Variants in PACRG observed in about 807,000 individuals in gnomAD.
The protein encoded by PACRG is parkin coregulated.
In PACRG, 29 loss-of-function variants were observed where a neutral mutation model predicts 29.7. That is an observed-to-expected ratio of 0.98 (90% CI 0.73 to 1.33). The LOEUF (loss-of-function observed/expected upper bound fraction) is 1.33. Among genes scored for constraint, PACRG ranks in the 40% most tolerant of loss-of-function variants. The probability of loss-of-function intolerance (pLI) is 0.00; values close to 1 mark genes in which losing one functional copy is unlikely to be tolerated. For synonymous variants in PACRG, 116 were observed against 118.7 expected (o/e 0.98, Z 0.15); for missense variants, 279 against 316.2 (o/e 0.88, Z 0.89).
chr6:162,856,547 A>G (rs960270483), intron 2 of PACRG, among the ~76,000 whole-genome samples: 1 of 152,060 alleles, frequency 6.6e-6, no homozygotes, highest in Non-Finnish European at 1.5e-5. Flanking sequence ...TTCTGGTAGC[A>G]AATAATCTAA....
At chr6:163,101,462 C>A (rs1387327916) in intron 4 of PACRG, 14 of 909,030 alleles carry the variant, frequency 1.5e-5, no homozygotes, top group Non-Finnish European at 1.6e-5. Context: ...AAACAATCAC[C>A]TAACCAAATG....
chr6:163,283,643 A>G (rs1214608908), intron 4 of PACRG, among the ~76,000 whole-genome samples: 1 of 151,228 alleles, frequency 6.6e-6, no homozygotes, highest in African/African-American at 2.4e-5. Context: ...TACTAAAAAT[A>G]CAAAAAAATT....
At chr6:162,877,167 A>C (rs965270924) in intron 2 of PACRG, among the ~76,000 whole-genome samples, 1 of 152,202 alleles carries the variant, frequency 6.6e-6, no homozygotes, top group Non-Finnish European at 1.5e-5. Flanking sequence ...TTACAATAGC[A>C]AAGACTTGGA....
chr6:163,129,462 C>G (rs1816647432), intron 4 of PACRG, among the ~76,000 whole-genome samples: 1 of 152,220 alleles, frequency 6.6e-6, no homozygotes, highest in African/African-American at 2.4e-5. Flanking sequence ...AGGGCACAAA[C>G]ACCCCAGTCT....
chr6:163,177,039 A>G (rs1779394677), intron 4 of PACRG, among the ~76,000 whole-genome samples: 1 of 152,166 alleles, frequency 6.6e-6, no homozygotes, highest in Non-Finnish European at 1.5e-5. Flanking sequence ...GCCAGCCTGG[A>G]GACTGTTGCT....
At chr6:163,076,258 C>A (rs779675360) in intron 3 of PACRG, among the ~76,000 whole-genome samples, 1 of 152,278 alleles carries the variant, frequency 6.6e-6, no homozygotes, top group Admixed American at 6.5e-5. Context: ...AGCTTTTGCT[C>A]GCCATCTGGG....
chr6:163,276,664 G>T (rs893337911), intron 4 of PACRG, among the ~76,000 whole-genome samples: 2 of 152,196 alleles, frequency 1.3e-5, no homozygotes, highest in Admixed American at 1.3e-4. Context: ...CCTTTGGGGG[G>T]TGATTAGATC....
chr6:162,790,044 A>G (rs1307977655), intron 1 of PACRG, among the ~76,000 whole-genome samples: 2 of 152,176 alleles, frequency 1.3e-5, no homozygotes, highest in Non-Finnish European at 2.9e-5. Flanking sequence ...TTTGTGTTGT[A>G]TCTGTGGGGA....
At chr6:163,244,783 A>C (rs1204189194) in intron 4 of PACRG, among the ~76,000 whole-genome samples, 1 of 152,230 alleles carries the variant, frequency 6.6e-6, no homozygotes, top group Admixed American at 6.5e-5. Flanking sequence ...GCAGTACTAA[A>C]ATGAAAGTGT....
At chr6:163,003,268 A>T (rs1183607660) in intron 2 of PACRG, among the ~76,000 whole-genome samples, 1 of 152,234 alleles carries the variant, frequency 6.6e-6, no homozygotes, top group Non-Finnish European at 1.5e-5. Context: ...TGGAAATGGG[A>T]TAATCATCTC....
chr6:163,067,650 A>G (rs1456117119), intron 3 of PACRG, among the ~76,000 whole-genome samples: 1 of 152,228 alleles, frequency 6.6e-6, no homozygotes, highest in Non-Finnish European at 1.5e-5. Flanking sequence ...GTTTCCACGA[A>G]GGATTGGGAG....
At chr6:163,301,878 C>T (rs1785016136) in intron 4 of PACRG, among the ~76,000 whole-genome samples, 1 of 152,128 alleles carries the variant, frequency 6.6e-6, no homozygotes, top group Non-Finnish European at 1.5e-5. Context: ...TATTATTTCC[C>T]CTGTTTCAGT....
intron 4 of PACRG, among the ~76,000 whole-genome samples, chr6:163,235,508 T>A (rs1471023001): frequency 6.6e-6 from 1 of 152,202 alleles, no homozygotes; most frequent in East Asian, 1.9e-4. Flanking sequence ...AAATATCTGC[T>A]TCCAAATTCC....
chr6:163,314,804 C>G, intron 4 of PACRG, 23 bp from the exon 5 acceptor site: 1 of 1,610,622 alleles, frequency 6.2e-7, no homozygotes, highest in Non-Finnish European at 8.5e-7. Flanking sequence ...TAACTGGCCT[C>G]TTTGTGTGTT....
intron 3 of PACRG, among the ~76,000 whole-genome samples, chr6:163,064,563 C>T (rs1811372079): frequency 6.6e-6 from 1 of 152,170 alleles, no homozygotes; most frequent in African/African-American, 2.4e-5. Context: ...CTGTTTATGT[C>T]ACTAAAAGCA....
At chr6:162,727,719 G>T, upstream of PACRG, 15 of 1,547,686 alleles carry the variant, frequency 9.7e-6, no homozygotes, top group Non-Finnish European at 1.3e-5. Flanking sequence ...CATGCGCGCA[G>T]CGGCGCCAGC....
chr6:162,855,913 T>A (rs1039292198), intron 2 of PACRG, among the ~76,000 whole-genome samples: 1 of 151,954 alleles, frequency 6.6e-6, no homozygotes, highest in African/African-American at 2.4e-5. Flanking sequence ...TCTCACGGAG[T>A]CCGGGTTCAG....
chr6:162,899,114 G>C (rs1415475733), intron 2 of PACRG, among the ~76,000 whole-genome samples: 1 of 152,166 alleles, frequency 6.6e-6, no homozygotes, highest in Non-Finnish European at 1.5e-5. Context: ...GGAGATGAGG[G>C]CTTGAGTAAG....
At chr6:162,749,380 A>T (rs1173368836) in intron 1 of PACRG, among the ~76,000 whole-genome samples, 1 of 152,234 alleles carries the variant, frequency 6.6e-6, no homozygotes, top group African/African-American at 2.4e-5. Context: ...TATTAATGGC[A>T]ATAACAAGAA....
Sources: gnomAD v4.1 joint callset for allele counts (sites outside exome capture counted in the v4.1 genomes callset) on GRCh38, gnomAD v4.1.1 for gene constraint, MANE v1.5 for transcripts, NCBI Gene and HGNC (gene_info 2026-07-23, HGNC 2026-07-21) for gene names.